The following PEX5L variants were observed in gnomAD, a reference collection of about 807,000 sequenced individuals.
The protein encoded by PEX5L is peroxisomal biogenesis factor 5 like.
Under a neutral mutation model 84.0 loss-of-function variants are expected in PEX5L, and 30 were observed. That is an observed-to-expected ratio of 0.36 (90% confidence interval 0.27 to 0.48). PEX5L has a LOEUF of 0.48. Ranked by LOEUF, PEX5L falls within the 20% of genes least tolerant of loss-of-function variation. The pLI, the probability that PEX5L is intolerant of heterozygous loss-of-function variation, is 0.99. For synonymous variants in PEX5L, 270 were observed against 283.1 expected (o/e 0.95, Z 0.46); for missense variants, 533 against 754.6 (o/e 0.71, Z 3.44).
chr3:179,851,759 A>C (rs1428054283), intron 8 of PEX5L, among the ~76,000 whole-genome samples: 3 of 152,204 alleles, frequency 2.0e-5, no homozygotes, highest in African/African-American at 7.2e-5. Context: ...AAAAGTCCCC[A>C]GCCAGATCCT....
At chr3:179,845,085 C>A (rs1229352060) in intron 8 of PEX5L, among the ~76,000 whole-genome samples, 1 of 152,148 alleles carries the variant, frequency 6.6e-6, no homozygotes. Context: ...TAATCCTGTA[C>A]ATATTTGCAT....
intron 10 of PEX5L, among the ~76,000 whole-genome samples, chr3:179,812,102 CTA>C (rs1172255914): frequency 2.0e-5 from 3 of 152,178 alleles, no homozygotes; most frequent in African/African-American, 4.8e-5. Flanking sequence ...TTATCCTTTC[CTA>C]TAACCCAGTG....
At chr3:179,809,985 T>C (rs1293550943) in intron 11 of PEX5L, among the ~76,000 whole-genome samples, 6 of 147,628 alleles carry the variant, frequency 4.1e-5, no homozygotes, top group Non-Finnish European at 7.5e-5. Context: ...ATAGGGGATA[T>C]CATTATTTTA....
At chr3:180,033,897 G>T (rs1444118339) in intron 1 of PEX5L, among the ~76,000 whole-genome samples, 1 of 152,142 alleles carries the variant, frequency 6.6e-6, no homozygotes, top group African/African-American at 2.4e-5. Flanking sequence ...GTTACTCTAT[G>T]CTCTATCTGT....
chr3:179,838,886 C>G (rs1735985655), intron 8 of PEX5L, among the ~76,000 whole-genome samples: 1 of 152,028 alleles, frequency 6.6e-6, no homozygotes, highest in Admixed American at 6.6e-5. Context: ...CCTCAGTGTT[C>G]TGACATAGCT....
chr3:179,961,834 T>C (rs1782123400), intron 2 of PEX5L, among the ~76,000 whole-genome samples: 1 of 152,174 alleles, frequency 6.6e-6, no homozygotes, highest in South Asian at 2.1e-4. Flanking sequence ...ACAAAAGCAC[T>C]GGCAGCTGAC....
rs1206666181 is a variant in PEX5L, at chr3:179,797,588, TTAAAA to T, written c.*4235_*4239del. 1.7e-4 allele frequency: 9 copies of T among 51,864 alleles called. No individual in the cohort carries two copies. Among genetic ancestry groups the T allele is most frequent in the African/African-American group, 6.1e-4 (9 of 14,766 alleles). 3.2% of individuals were successfully genotyped at this position (51,864 alleles called of 1,614,324 possible). A position where few individuals can be genotyped will look rare whatever the true frequency, so the allele number is the denominator to read the frequency against. ...GCCAGAGTTTATCTATGAACACTCTTTAAAAAAAAAAAAAAAAATATATATATATA... is the reference window on the plus strand; with the variant it reads ...GCCAGAGTTTATCTATGAACACTCTTAAAAAAAAAAAAATATATATATATA... On this transcript the variant is annotated 3_prime_UTR_variant, in exon 15 of 15. Transcript: ENST00000467460.
intron 3 of PEX5L, among the ~76,000 whole-genome samples, chr3:179,896,723 C>T (rs17691629): frequency 0.087 from 13,236 of 152,104 alleles, 795 homozygotes; most frequent in Non-Finnish European, 0.14. Context: ...GTCTTATCTA[C>T]CGTTGTATGG....
At chr3:179,900,607 C>A in intron 2 of PEX5L, 2 of 1,132,456 alleles carry the variant, frequency 1.8e-6, no homozygotes, top group South Asian at 2.7e-5. Context: ...AAGCAGTGGT[C>A]AGCTAGAAAG....
At chr3:179,984,228 A>C (rs1786593045) in intron 1 of PEX5L, among the ~76,000 whole-genome samples, 1 of 152,102 alleles carries the variant, frequency 6.6e-6, no homozygotes, top group Admixed American at 6.5e-5. Flanking sequence ...CTATATTTCA[A>C]TGGAAAAATC....
intron 1 of PEX5L, among the ~76,000 whole-genome samples, chr3:180,026,133 C>CTTTTTTTTTTT (rs368852075): frequency 9.8e-6 from 1 of 101,762 alleles, no homozygotes; most frequent in Non-Finnish European, 2.0e-5. Context: ...TTTCAGCATT[C>CTTTTTTTTTTT]TTTTTTTTTT....
intron 6 of PEX5L, among the ~76,000 whole-genome samples, chr3:179,874,636 G>T (rs1370800138): frequency 1.6e-4 from 24 of 147,952 alleles, no homozygotes; most frequent in African/African-American, 5.7e-4. Context: ...TATTATCTTC[G>T]ATTAAAAATT....
At chr3:179,879,325 G>T (rs1474247350) in intron 5 of PEX5L, among the ~76,000 whole-genome samples, 1 of 152,190 alleles carries the variant, frequency 6.6e-6, no homozygotes, top group African/African-American at 2.4e-5. Context: ...CTAGAACTAG[G>T]CTCAAATTTC....
Position 180,018,608 on chromosome 3 carries a change from G to A in PEX5L, c.21+17971C>T, listed in dbSNP as rs139610423. Among the ~76,000 whole-genome samples, 25 of 152,238 alleles carry A rather than the reference G, an allele frequency of 1.6e-4. 1 individual carries two copies. Among genetic ancestry groups the A allele is most frequent in the East Asian group, 7.7e-4 (4 of 5,190 alleles). On this transcript the variant is annotated intron_variant, in intron 1 of 14. Transcript: ENST00000467460. ...TCCAAACCTGCCTTTCATTTTATTC[G>A]TTTTTAGAGAGGGGAAGAGCTTCTG... is the stretch of plus-strand genomic sequence containing the variant.
chr3:180,012,819 A>G lies in PEX5L; in HGVS notation c.21+23760T>C, dbSNP rs140160951. ...TATCTTATTAGGTTGTCGACCTAAT[A>G]GTAAATCTTTTCTAATTTTATATGA... is the stretch of plus-strand genomic sequence containing the variant. On this transcript the variant is annotated intron_variant, in intron 1 of 14. Coordinates refer to ENST00000467460, the MANE Select transcript of PEX5L (RefSeq NM_016559.3). Among the ~76,000 whole-genome samples the G allele has an allele frequency of 3.9e-3, 588 of 152,240 alleles. 18 individuals carry two copies. Among genetic ancestry groups the G allele is most frequent in the Admixed American group, 0.036 (545 of 15,286 alleles).
chr3:179,866,179 T>C (rs965541201), intron 7 of PEX5L, among the ~76,000 whole-genome samples: 1 of 152,200 alleles, frequency 6.6e-6, no homozygotes, highest in Non-Finnish European at 1.5e-5. Flanking sequence ...AATGTTGTAT[T>C]TTATTTTCTT....
chr3:179,830,999 A>G (rs762353291), intron 8 of PEX5L, among the ~76,000 whole-genome samples: 1 of 152,202 alleles, frequency 6.6e-6, no homozygotes, highest in Non-Finnish European at 1.5e-5. Flanking sequence ...GTAAGATCAC[A>G]TTTGGAAAGC....
rs189274437 is a variant in PEX5L at position 180,008,212 on chromosome 3, A to G, written c.21+28367T>C. 4.4e-4 allele frequency among the ~76,000 whole-genome samples: 67 copies of G among 152,302 alleles called. 1 individual carries two copies. Among genetic ancestry groups the G allele is most frequent in the Admixed American group, 4.4e-3 (67 of 15,302 alleles). On this transcript the variant is annotated intron_variant, in intron 1 of 14. Transcript: ENST00000467460. ...TCATCTTTCTCAAGTTCGAAATTCC[A>G]CAAATCTCTAGGGCAGGGGCAAATG...
rs1236591268 is a variant in PEX5L at position 180,020,619 on chromosome 3, A to G, written c.21+15960T>C. Among the ~76,000 whole-genome samples, 5 of 152,298 alleles carry G rather than the reference A, an allele frequency of 3.3e-5. No homozygotes were observed. In the East Asian group the frequency reaches 9.6e-4, roughly 29 times the overall value. On this transcript the variant is annotated intron_variant, in intron 1 of 14. Transcript: ENST00000467460. ...GTTTCCCAAGTCATATACAAGTTAGAGCAGAAACAGGCCTGGGATCCAAGT... is the reference window on the plus strand; with the variant it reads ...GTTTCCCAAGTCATATACAAGTTAGGGCAGAAACAGGCCTGGGATCCAAGT...
Sources: gnomAD v4.1 joint callset for allele counts (sites outside exome capture counted in the v4.1 genomes callset) on GRCh38, gnomAD v4.1.1 for gene constraint, MANE v1.5 for transcripts, NCBI Gene and HGNC (gene_info 2026-07-23, HGNC 2026-07-21) for gene names.